The following MGAT5 variants were observed in gnomAD, a reference collection of about 807,000 sequenced individuals.
MGAT5 encodes the protein alpha-1,6-mannosylglycoprotein 6-beta-N-acetylglucosaminyltransferase A.
Under a neutral mutation model 94.3 loss-of-function variants are expected in MGAT5, and 30 were observed. The ratio of observed to expected loss-of-function variants is 0.32; its 90% confidence interval spans 0.24 to 0.43. The LOEUF is 0.43. Among genes scored for constraint, MGAT5 ranks in the 20% least tolerant of loss-of-function variants. MGAT5 has a pLI of 1.00. For synonymous variants in MGAT5, 310 were observed against 322.9 expected, an observed-to-expected ratio of 0.96 and a Z score of 0.43; for missense variants, 691 against 905.5, an observed-to-expected ratio of 0.76 and a Z score of 3.04.
intron 1 of MGAT5, among the ~76,000 whole-genome samples, chr2:134,187,143 G>A (rs1248244703): frequency 6.6e-6 from 1 of 152,198 alleles, no homozygotes; most frequent in Non-Finnish European, 1.5e-5. Context: ...AGTAGTGCCC[G>A]TATATGGAAA....
intron 2 of MGAT5, among the ~76,000 whole-genome samples, chr2:134,305,817 C>T (rs947345221): frequency 2.0e-5 from 3 of 152,120 alleles, no homozygotes; most frequent in African/African-American, 7.2e-5. Context: ...TTGGCAAAAG[C>T]TTGGCACTAT....
intron 10 of MGAT5, among the ~76,000 whole-genome samples, chr2:134,402,546 T>C (rs1432712514): frequency 6.6e-6 from 1 of 152,166 alleles, no homozygotes; most frequent in African/African-American, 2.4e-5. Flanking sequence ...CAGCTTAGCA[T>C]CTCTGGGTAA....
chr2:134,234,004 T>C (rs774609828), intron 1 of MGAT5, among the ~76,000 whole-genome samples: 3 of 152,188 alleles, frequency 2.0e-5, no homozygotes, highest in Non-Finnish European at 2.9e-5. Context: ...CTGAGGTGTA[T>C]CTCTGAGTGG....
chr2:134,148,602 A>G (rs1380646621), intron 1 of MGAT5, among the ~76,000 whole-genome samples: 1 of 152,190 alleles, frequency 6.6e-6, no homozygotes, highest in Non-Finnish European at 1.5e-5. Flanking sequence ...TTGTGCATAA[A>G]CAATCATTGT....
chr2:134,189,602 GTTT>G (rs912983981), intron 1 of MGAT5, among the ~76,000 whole-genome samples: 2 of 84,672 alleles, frequency 2.4e-5, no homozygotes, highest in South Asian at 4.2e-4. Flanking sequence ...GTTTTTTTTT[GTTT>G]TTTTTTTTTT....
rs888082257 is a variant in MGAT5 at position 134,451,930 on chromosome 2, C to T, written c.*3083C>T. 2.0e-5 allele frequency: 3 copies of T among 152,180 alleles called. No homozygotes were observed. Among genetic ancestry groups the T allele is most frequent in the African/African-American group, 4.8e-5 (2 of 41,432 alleles). 9.4% of individuals were successfully genotyped at this position (152,180 alleles called of 1,614,324 possible). ...TTTGGACTGGGTTTGTGTCACTGCT[C>T]ATTACAGTTTGCTTTTTTGTGTGTT... On this transcript the variant is annotated 3_prime_UTR_variant, in exon 16 of 16. Transcript: ENST00000281923.
In MGAT5 at chr2:134,189,608, T is replaced by TTTTTTTTTTTTTTTG. The variant is rs1558978173; in HGVS notation, c.-142-64642_-142-64641insTTGTTTTTTTTTTTT. 1.1e-4 allele frequency among the ~76,000 whole-genome samples: 10 copies of TTTTTTTTTTTTTTTG among 92,344 alleles called. No individual in the cohort carries two copies. In the East Asian group the frequency reaches 3.5e-3, roughly 32 times the overall value. The allele number at this position is 92,344 out of a possible 152,430, so 60.6% of individuals were successfully genotyped here. A position where few individuals can be genotyped will look rare whatever the true frequency, so the allele number is the denominator to read the frequency against. On this transcript the variant is annotated intron_variant, in intron 1 of 16. Coordinates refer to the MGAT5 transcript ENST00000409645. ...ATGGCTCTAGTTTTTTTTTGTTTTT[T>TTTTTTTTTTTTTTTG]TTTTTTTTTTTTAAGACAGAGTCTC...
chr2:134,124,557 C>T (rs1481794144), intron 1 of MGAT5, among the ~76,000 whole-genome samples: 2 of 152,214 alleles, frequency 1.3e-5, no homozygotes, highest in Admixed American at 6.5e-5. Flanking sequence ...AGCAGTTTGT[C>T]TTGTAAACTA....
At chr2:134,129,203 C>T (rs191437276) in intron 1 of MGAT5, among the ~76,000 whole-genome samples, 231 of 152,274 alleles carry the variant, frequency 1.5e-3, no homozygotes, top group Middle Eastern at 6.8e-3. Flanking sequence ...AGAGGCTGCC[C>T]GTGTTCCTAG....
chr2:134,295,271 C>A (rs1171620963), intron 2 of MGAT5, among the ~76,000 whole-genome samples: 2 of 152,108 alleles, frequency 1.3e-5, no homozygotes, highest in African/African-American at 4.8e-5. Context: ...AAAGTACTTA[C>A]AAGTTGAATA....
intron 14 of MGAT5, among the ~76,000 whole-genome samples, chr2:134,428,723 C>G (rs1001474209): frequency 1.3e-5 from 2 of 152,142 alleles, no homozygotes; most frequent in African/African-American, 2.4e-5. Context: ...AGGGTCTGTG[C>G]CCTGAGTGGG....
chr2:134,296,479 C>T (rs1329577385), intron 2 of MGAT5, among the ~76,000 whole-genome samples: 3 of 151,962 alleles, frequency 2.0e-5, no homozygotes, highest in Non-Finnish European at 4.4e-5. Context: ...TAGCATATGA[C>T]TAAACCTATG....
intron 11 of MGAT5, among the ~76,000 whole-genome samples, chr2:134,411,939 T>C (rs574807954): frequency 1.3e-5 from 2 of 152,326 alleles, no homozygotes; most frequent in East Asian, 3.9e-4. Flanking sequence ...CAGGCTTTTA[T>C]GTGGGTAGAG....
intron 10 of MGAT5, among the ~76,000 whole-genome samples, chr2:134,380,375 G>A (rs190311672): frequency 1.4e-4 from 22 of 152,280 alleles, no homozygotes; most frequent in African/African-American, 4.6e-4. Flanking sequence ...GCCTTTTAAC[G>A]GAAAACAGTG....
chr2:134,169,416 AC>A (rs1350863193), intron 1 of MGAT5, among the ~76,000 whole-genome samples: 3 of 45,818 alleles, frequency 6.5e-5, no homozygotes, highest in Non-Finnish European at 1.6e-4. Context: ...ACACACAGAC[AC>A]ACACACACAC....
intron 4 of MGAT5, among the ~76,000 whole-genome samples, chr2:134,326,505 C>T (rs1186429236): frequency 6.6e-6 from 1 of 152,012 alleles, no homozygotes; most frequent in Non-Finnish European, 1.5e-5. Context: ...CTGGAACCAG[C>T]ATCTCTAAGA....
At chr2:134,178,820 A>G (rs1688598687) in intron 1 of MGAT5, among the ~76,000 whole-genome samples, 1 of 152,094 alleles carries the variant, frequency 6.6e-6, no homozygotes, top group Admixed American at 6.5e-5. Flanking sequence ...ACTGCATGAT[A>G]TTTACATATT....
Position 134,448,733 on chromosome 2 carries a change from T to C in MGAT5, c.2112T>C (p.Phe704=). Residue 704 remains phenylalanine (F), a synonymous_variant, in exon 16 of 16, where the codon TTT becomes TTC. Coordinates refer to ENST00000281923, the MANE Select transcript of MGAT5 (RefSeq NM_002410.5). Reference sequence around the variant, plus strand: ...ACCCTAAGAATAAGCACTGTGTGTTTCAAGGTGACCTCCTGCTCTTCAGCT... The same window carrying C: ...ACCCTAAGAATAAGCACTGTGTGTTCCAAGGTGACCTCCTGCTCTTCAGCT... ...SFDPKNKHCV[F]QGDLLLFSCA... is the part of the protein sequence containing the mutation. 6.2e-7 allele frequency: 1 copy of C among 1,614,152 alleles called. No homozygotes were observed. Among genetic ancestry groups the C allele is most frequent in the Non-Finnish European group, 8.5e-7 (1 of 1,180,024 alleles).
intron 1 of MGAT5, among the ~76,000 whole-genome samples, chr2:134,197,831 G>T (rs150132113): frequency 7.2e-5 from 11 of 152,120 alleles, no homozygotes; most frequent in Admixed American, 1.3e-4. Flanking sequence ...GCTCTCCTTT[G>T]TATGCCCTGA....
Sources: gnomAD v4.1 joint callset for allele counts (sites outside exome capture counted in the v4.1 genomes callset) on GRCh38, gnomAD v4.1.1 for gene constraint, MANE v1.5 for transcripts, NCBI Gene and HGNC (gene_info 2026-07-23, HGNC 2026-07-21) for gene names.